Variants in PDE4D observed in about 807,000 individuals in gnomAD.
PDE4D encodes phosphodiesterase 4D, also known as 3',5'-cyclic-AMP phosphodiesterase 4D.
In PDE4D, 24 loss-of-function variants were observed where a neutral mutation model predicts 87.4. The ratio of observed to expected loss-of-function variants is 0.27; its 90% CI spans 0.20 to 0.39. The LOEUF (loss-of-function observed/expected upper bound fraction) is 0.39, where lower values mean the gene tolerates loss of function less well. Among genes scored for constraint, PDE4D ranks in the 10% least tolerant of loss-of-function variants. The pLI, the probability that PDE4D is intolerant of heterozygous loss-of-function variation, is 1.00. For missense variants in PDE4D, 714 were observed against 1,041.0 expected, an observed-to-expected ratio of 0.69 and a Z score of 4.32; for synonymous variants, 384 against 383.2, an observed-to-expected ratio of 1.00 and a Z score of -0.02.
chr5:59,391,174 C>G (rs1262269447), intron 1 of PDE4D, among the ~76,000 whole-genome samples: 1 of 152,098 alleles, frequency 6.6e-6, no homozygotes, highest in Non-Finnish European at 1.5e-5. Context: ...TGAGTAATGA[C>G]TATGTCTTGT....
At chr5:60,021,375 G>T (rs940507007) in intron 2 of PDE4D, 4 of 152,154 alleles carry the variant, frequency 2.6e-5, no homozygotes, top group African/African-American at 7.2e-5. Context: ...CAAGCAAAAT[G>T]AAATCAATTA....
chr5:59,871,123 A>C (rs1747760883), intron 1 of PDE4D, among the ~76,000 whole-genome samples: 1 of 152,196 alleles, frequency 6.6e-6, no homozygotes, highest in Non-Finnish European at 1.5e-5. Flanking sequence ...GGCAAAGTTA[A>C]AGGATTGTTC....
At chr5:59,957,209 T>A (rs940926304) in intron 3 of PDE4D, among the ~76,000 whole-genome samples, 2 of 152,160 alleles carry the variant, frequency 1.3e-5, no homozygotes, top group Admixed American at 1.3e-4. Context: ...CTTTTTTTAA[T>A]TATTATTATT....
At chr5:59,315,457 C>T (rs1168301748) in intron 1 of PDE4D, among the ~76,000 whole-genome samples, 3 of 152,078 alleles carry the variant, frequency 2.0e-5, no homozygotes, top group African/African-American at 4.8e-5. Context: ...TTGAGTCTCA[C>T]ACTCTTGAGG....
chr5:59,797,219 T>C (rs909402603), intron 1 of PDE4D: 5 of 148,414 alleles, frequency 3.4e-5, no homozygotes, highest in Middle Eastern at 3.4e-3. Flanking sequence ...AGCAGGAAAA[T>C]AGAAGACCTG....
intron 1 of PDE4D, among the ~76,000 whole-genome samples, chr5:59,840,167 C>T (rs1314991302): frequency 2.6e-5 from 4 of 151,820 alleles, no homozygotes; most frequent in African/African-American, 9.7e-5. Context: ...TAATTATCCC[C>T]ATTCAGGTCT....
intron 5 of PDE4D, among the ~76,000 whole-genome samples, chr5:59,057,253 A>T (rs1762507311): frequency 6.6e-6 from 1 of 152,168 alleles, no homozygotes; most frequent in Non-Finnish European, 1.5e-5. Flanking sequence ...GGGACCTTAC[A>T]AACACTGAAA....
chr5:59,288,249 T>C (rs962641687), intron 1 of PDE4D, among the ~76,000 whole-genome samples: 9 of 151,622 alleles, frequency 5.9e-5, no homozygotes, highest in Non-Finnish European at 1.2e-4. Context: ...AACAAAGAGA[T>C]TAAAATAATT....
chr5:58,974,841 G>A lies in PDE4D; in HGVS notation c.2253C>T (p.Asp751=), dbSNP rs998122182. The part of the protein sequence containing the change: ...EEDGESDTEK[D]SGSQVEEDTS... ...TGTCTTCTTCCACTTGACTGCCACT[G>A]TCCTTTTCCGTGTCTGACTCACCAT... The change falls in exon 15 of 15, where the codon GAC becomes GAT. Residue 751 remains aspartate, a synonymous_variant. Coordinates refer to ENST00000340635, the MANE Select transcript of PDE4D (RefSeq NM_001104631.2). 4 of 1,613,224 alleles carry A rather than the reference G, an allele frequency of 2.5e-6. No homozygotes were observed. The highest frequency in any genetic ancestry group is 3.4e-6 in the Non-Finnish European group (4 of 1,179,412).
intron 2 of PDE4D, among the ~76,000 whole-genome samples, chr5:60,024,567 G>T (rs1015288726): frequency 6.6e-6 from 1 of 152,174 alleles, no homozygotes; most frequent in Non-Finnish European, 1.5e-5. Flanking sequence ...CAACCTTGAA[G>T]CATGGGGTAC....
intron 1 of PDE4D, among the ~76,000 whole-genome samples, chr5:60,303,307 C>CTTTTTTT (rs879522679): frequency 1.6e-5 from 2 of 127,830 alleles, no homozygotes; most frequent in African/African-American, 6.2e-5. Context: ...ATCTGGATTT[C>CTTTTTTT]TTTTTTTTTT....
intron 1 of PDE4D, chr5:59,275,549 G>A: frequency 6.9e-7 from 1 of 1,440,862 alleles, no homozygotes; most frequent in Non-Finnish European, 9.1e-7. Context: ...TCCATCTCCT[G>A]TCCTCGGTCC....
At chr5:59,395,020 C>T (rs556234473) in intron 1 of PDE4D, among the ~76,000 whole-genome samples, 18 of 152,146 alleles carry the variant, frequency 1.2e-4, no homozygotes, top group Non-Finnish European at 2.4e-4. Context: ...TGCGCTTTTC[C>T]GACGGGCTTA....
At chr5:59,499,342 G>A (rs1203003311) in intron 1 of PDE4D, among the ~76,000 whole-genome samples, 40 of 44,754 alleles carry the variant, frequency 8.9e-4, no homozygotes, top group African/African-American at 2.0e-3. Flanking sequence ...ACCTAAAATC[G>A]CACCTAAAAA....
chr5:59,510,394 T>C (rs1363214420), intron 1 of PDE4D, among the ~76,000 whole-genome samples: 1 of 150,076 alleles, frequency 6.7e-6, no homozygotes, highest in African/African-American at 2.4e-5. Flanking sequence ...TAATAGAAAT[T>C]CAAAAACAAA....
At chr5:59,316,018 A>G (rs967847484) in intron 1 of PDE4D, among the ~76,000 whole-genome samples, 2 of 152,116 alleles carry the variant, frequency 1.3e-5, no homozygotes, top group Non-Finnish European at 2.9e-5. Flanking sequence ...CTTTGCTTCA[A>G]TAAACTTTTG....
intron 1 of PDE4D, among the ~76,000 whole-genome samples, chr5:59,274,466 A>G (rs910835368): frequency 3.9e-5 from 6 of 152,084 alleles, no homozygotes; most frequent in African/African-American, 1.4e-4. Context: ...TTTTCCTCCC[A>G]TTCTCAACCA....
chr5:59,658,924 TC>T lies in PDE4D; in HGVS notation c.455+234243del, dbSNP rs374951792. Among the ~76,000 whole-genome samples, 39 of 152,162 alleles carry T rather than the reference TC, an allele frequency of 2.6e-4. 1 individual carries two copies. The East Asian group carries it at 6.8e-3, about 26-fold the overall frequency. On this transcript the variant is annotated intron_variant, in intron 1 of 14. Coordinates refer to ENST00000340635, the MANE Select transcript of PDE4D (RefSeq NM_001104631.2). ...AGGCTGAGGTGGGAGAATCACTTGA[TC>T]CCAGGGGTTTGAGGGTACGGTGAGC...
At chr5:59,769,264 G>C (rs986007328) in intron 1 of PDE4D, among the ~76,000 whole-genome samples, 1 of 152,088 alleles carries the variant, frequency 6.6e-6, no homozygotes, top group African/African-American at 2.4e-5. Context: ...CACATGGAAC[G>C]CTTTACAGGT....
Sources: allele counts gnomAD v4.1 joint callset (sites outside exome capture counted in the v4.1 genomes callset), GRCh38; gene constraint gnomAD v4.1.1; transcripts MANE v1.5; gene names NCBI Gene and HGNC (gene_info 2026-07-23, HGNC 2026-07-21).